The following FOXP1 variants were observed in gnomAD, a reference collection of about 807,000 sequenced individuals.
The protein encoded by FOXP1 is forkhead box P1.
In FOXP1, 15 loss-of-function variants were observed where a neutral mutation model predicts 98.2. That is an observed-to-expected ratio of 0.15 (90% CI 0.10 to 0.24). The LOEUF is 0.24. FOXP1 is among the 10% of genes least tolerant of loss of function. The probability of loss-of-function intolerance (pLI) is 1.00; values close to 1 mark genes in which losing one functional copy is unlikely to be tolerated. For synonymous variants in FOXP1, 371 were observed against 314.5 expected, an observed-to-expected ratio of 1.18 and a Z score of -1.90; for missense variants, 633 against 848.5, an observed-to-expected ratio of 0.75 and a Z score of 3.15.
intron 3 of FOXP1, among the ~76,000 whole-genome samples, chr3:71,474,317 G>A (rs1364058171): frequency 6.6e-6 from 1 of 152,176 alleles, no homozygotes; most frequent in Non-Finnish European, 1.5e-5. Context: ...ATGTGATCAA[G>A]AGAAAAGAAC....
intron 4 of FOXP1, among the ~76,000 whole-genome samples, chr3:71,347,714 C>T (rs955872396): frequency 5.9e-5 from 9 of 151,966 alleles, no homozygotes; most frequent in East Asian, 1.9e-4. Flanking sequence ...AGAGAAACCC[C>T]GTCTCTACTA....
chr3:71,581,143 C>T lies in FOXP1; in HGVS notation c.-298+406G>A. On this transcript the variant is annotated intron_variant, in intron 2 of 20. Transcript: ENST00000649528. ...AGAGCAAAAAGAAAATGAATTAAGA[C>T]GAAAGCATAGGATGAGCCCAGACTA... 3 of 981,546 alleles carry T rather than the reference C, an allele frequency of 3.1e-6. No individual in the cohort carries two copies. In the Admixed American group the frequency reaches 1.8e-4, roughly 60 times the overall value. The allele number at this position is 981,546 out of a possible 1,614,324, so 60.8% of individuals were successfully genotyped here.
At chr3:71,577,364 C>T (rs1458264087) in intron 2 of FOXP1, among the ~76,000 whole-genome samples, 1 of 151,664 alleles carries the variant, frequency 6.6e-6, no homozygotes, top group African/African-American at 2.4e-5. Flanking sequence ...TTTAGGTTAG[C>T]GACACAAGCC....
chr3:71,439,837 T>C (rs931643786), intron 3 of FOXP1, among the ~76,000 whole-genome samples: 7 of 151,778 alleles, frequency 4.6e-5, no homozygotes, highest in Admixed American at 6.6e-5. Flanking sequence ...TCCCAGCTAC[T>C]TGGGAGGCTG....
At chr3:71,351,738 C>A (rs977408072) in intron 4 of FOXP1, among the ~76,000 whole-genome samples, 1 of 152,162 alleles carries the variant, frequency 6.6e-6, no homozygotes, top group East Asian at 1.9e-4. Flanking sequence ...GGGAGACCCT[C>A]TCACTTTTCA....
At chr3:71,134,913 G>C (rs2059743035) in intron 6 of FOXP1, among the ~76,000 whole-genome samples, 1 of 152,106 alleles carries the variant, frequency 6.6e-6, no homozygotes, top group South Asian at 2.1e-4. Context: ...ACTTCCCTTT[G>C]AATCACAGCC....
chr3:71,126,870 AC>A (rs2059231086), intron 6 of FOXP1, among the ~76,000 whole-genome samples: 1 of 117,474 alleles, frequency 8.5e-6, no homozygotes, highest in African/African-American at 2.9e-5. Flanking sequence ...AAAAAAACAA[AC>A]AAAAAAAAAA....
At position 71,396,953 on chromosome 3, in the gene FOXP1, T is replaced by TATATATATATATACAC. The variant is rs1560424164; in HGVS notation, c.-167-37710_-167-37709insGTGTATATATATATAT. On this transcript the variant is annotated intron_variant, in intron 3 of 20. Coordinates refer to ENST00000649528, the MANE Select transcript of FOXP1 (RefSeq NM_001349338.3). Reference sequence around the variant, plus strand: ...ATATATACACATATATATATGTGTATATATATATATGTGTGTATATATATA... The same window carrying TATATATATATATACAC: ...ATATATACACATATATATATGTGTATATATATATATATACACATATATATATGTGTGTATATATATA... Among the ~76,000 whole-genome samples the TATATATATATATACAC allele has an allele frequency of 3.0e-4, 16 of 52,966 alleles. 1 individual carries two copies. The highest frequency in any genetic ancestry group is 1.1e-3 in the African/African-American group (15 of 13,074). The allele number at this position is 52,966 out of a possible 152,430, so 34.7% of individuals were successfully genotyped here. A position where few individuals can be genotyped will look rare whatever the true frequency, so the allele number is the denominator to read the frequency against.
chr3:71,018,086 G>C (rs1292017706), intron 11 of FOXP1, among the ~76,000 whole-genome samples: 2 of 152,128 alleles, frequency 1.3e-5, no homozygotes, highest in East Asian at 3.8e-4. Flanking sequence ...TAACATGAGA[G>C]AAAATAATAA....
intron 7 of FOXP1, among the ~76,000 whole-genome samples, chr3:71,084,461 T>G (rs1288038021): frequency 6.6e-6 from 1 of 152,148 alleles, no homozygotes; most frequent in African/African-American, 2.4e-5. Context: ...TTGTTCTTGA[T>G]CCACTCTGCC....
chr3:71,338,145 G>C (rs1356488505), intron 4 of FOXP1, among the ~76,000 whole-genome samples: 1 of 152,200 alleles, frequency 6.6e-6, no homozygotes, highest in Non-Finnish European at 1.5e-5. Context: ...AGAGAAATGG[G>C]AGGCTATATG....
At chr3:70,969,761 C>A (rs531070073) in intron 19 of FOXP1, 1 of 152,290 alleles carries the variant, frequency 6.6e-6, no homozygotes. Context: ...CAGAACCAAT[C>A]TAGGGGTGAT....
In FOXP1 at chr3:71,477,377, T is replaced by C. The variant is rs980432634; in HGVS notation, c.-168+16049A>G. ...AAACTGTAAAACTCTCGTAATCAAA[T>C]GCAATTGAAGCATCATAAAATGAAA... is the stretch of plus-strand genomic sequence containing the variant. On this transcript the variant is annotated intron_variant, in intron 3 of 20. Transcript: ENST00000649528. 2.6e-5 allele frequency among the ~76,000 whole-genome samples: 4 copies of C among 152,192 alleles called. No individual in the cohort carries two copies. In the East Asian group the frequency reaches 7.7e-4, roughly 29 times the overall value.
At chr3:71,390,569 G>C (rs1254635414) in intron 3 of FOXP1, among the ~76,000 whole-genome samples, 2 of 147,400 alleles carry the variant, frequency 1.4e-5, no homozygotes, top group African/African-American at 2.5e-5. Context: ...GGATGTGTGT[G>C]TGTGTGGTGG....
chr3:71,146,998 C>A (rs1348711902), intron 6 of FOXP1, among the ~76,000 whole-genome samples: 1 of 152,234 alleles, frequency 6.6e-6, no homozygotes, highest in Non-Finnish European at 1.5e-5. Flanking sequence ...AATGGTCCCC[C>A]ACACAAAGCC....
At chr3:71,203,053 T>C (rs2063773583) in intron 5 of FOXP1, among the ~76,000 whole-genome samples, 1 of 152,176 alleles carries the variant, frequency 6.6e-6, no homozygotes, top group Non-Finnish European at 1.5e-5. Context: ...CAGGAAACAC[T>C]GTGTAATCAT....
At chr3:71,455,758 C>T (rs1424014046) in intron 3 of FOXP1, among the ~76,000 whole-genome samples, 1 of 152,090 alleles carries the variant, frequency 6.6e-6, no homozygotes, top group African/African-American at 2.4e-5. Context: ...TTGCAATTTC[C>T]CTTTTGCAAG....
At chr3:71,324,917 C>T in intron 4 of FOXP1, among the ~76,000 whole-genome samples, 1 of 152,218 alleles carries the variant, frequency 6.6e-6, no homozygotes, top group East Asian at 1.9e-4. Flanking sequence ...AAGCCCTAGG[C>T]CATGCCCCAG....
chr3:71,204,524 T>G (rs745943413), intron 5 of FOXP1, among the ~76,000 whole-genome samples: 1 of 152,150 alleles, frequency 6.6e-6, no homozygotes, highest in Non-Finnish European at 1.5e-5. Context: ...AGTAGAGGAC[T>G]GCAACAATGG....
Sources: gnomAD v4.1 joint callset for allele counts (sites outside exome capture counted in the v4.1 genomes callset) on GRCh38, gnomAD v4.1.1 for gene constraint, MANE v1.5 for transcripts, NCBI Gene and HGNC (gene_info 2026-07-23, HGNC 2026-07-21) for gene names.